Variants in MRC1 observed in about 807,000 individuals in gnomAD.
The protein encoded by MRC1 is mannose receptor C-type 1.
A neutral mutation model predicts 102.9 loss-of-function variants in MRC1; 62 were observed. The observed-to-expected ratio is 0.60, with a 90% CI of 0.49 to 0.74. The LOEUF (loss-of-function observed/expected upper bound fraction) is 0.74. MRC1 is among the 30% of genes least tolerant of loss of function. MRC1 has a pLI of 0.00. For missense variants in MRC1, 1,237 were observed against 862.8 expected, an observed-to-expected ratio of 1.43 and a Z score of -5.43; for synonymous variants, 457 against 298.4, an observed-to-expected ratio of 1.53 and a Z score of -5.48.
chr10:17,820,976 G>A (rs931656329), intron 1 of MRC1, among the ~76,000 whole-genome samples: 3 of 152,062 alleles, frequency 2.0e-5, no homozygotes, highest in Non-Finnish European at 4.4e-5. Flanking sequence ...ACTAGGGCAC[G>A]AGCAGTTACA....
intron 4 of MRC1, among the ~76,000 whole-genome samples, chr10:17,840,467 C>A (rs913233703): frequency 2.6e-5 from 4 of 152,120 alleles, no homozygotes; most frequent in Admixed American, 6.5e-5. Flanking sequence ...AAAAATCTTA[C>A]CAGATTACCT....
chr10:17,843,621 G>A (rs1554840009), intron 5 of MRC1, among the ~76,000 whole-genome samples: 2 of 151,802 alleles, frequency 1.3e-5, no homozygotes, highest in Non-Finnish European at 2.9e-5. Context: ...CTGAGATCAC[G>A]CCACTGGACT....
intron 5 of MRC1, among the ~76,000 whole-genome samples, chr10:17,842,820 A>T (rs1838771378): frequency 6.6e-6 from 1 of 152,204 alleles, no homozygotes; most frequent in Non-Finnish European, 1.5e-5. Context: ...TGGAGTAAAG[A>T]ATGAAAGTGG....
chr10:17,838,323 C>T (rs1564613881), intron 4 of MRC1, among the ~76,000 whole-genome samples: 1 of 152,126 alleles, frequency 6.6e-6, no homozygotes, highest in Non-Finnish European at 1.5e-5. Flanking sequence ...CCTGGCAACA[C>T]GTTTGCACAC....
At chr10:17,884,386 A>C (rs950667191) in intron 21 of MRC1, among the ~76,000 whole-genome samples, 33 of 152,174 alleles carry the variant, frequency 2.2e-4, no homozygotes, top group Non-Finnish European at 4.6e-4. Flanking sequence ...CAATTGGGAA[A>C]CTTTTGGTTT....
intron 23 of MRC1, among the ~76,000 whole-genome samples, chr10:17,897,720 C>T (rs907876004): frequency 1.2e-3 from 189 of 152,290 alleles, no homozygotes; most frequent in African/African-American, 4.1e-3. Flanking sequence ...GATTAAACTA[C>T]GGCATTTCTT....
At chr10:17,851,065 A>G (rs797039331) in intron 7 of MRC1, among the ~76,000 whole-genome samples, 97,897 of 152,064 alleles carry the variant, frequency 0.64, 31,540 homozygotes, top group Admixed American at 0.69. Flanking sequence ...TGTGGCACTT[A>G]TAGCCAGTAA....
intron 26 of MRC1, among the ~76,000 whole-genome samples, chr10:17,905,502 C>G (rs940766649): frequency 2.6e-5 from 4 of 151,984 alleles, no homozygotes; most frequent in Admixed American, 2.0e-4. Context: ...ATGTTTTCTT[C>G]ATATTGCTAA....
At chr10:17,904,623 G>C (rs1833872366) in intron 26 of MRC1, among the ~76,000 whole-genome samples, 2 of 152,322 alleles carry the variant, frequency 1.3e-5, no homozygotes, top group South Asian at 4.1e-4. Flanking sequence ...TAGAACTAAT[G>C]AAGTCTCCCA....
intron 9 of MRC1, 47 bp from the exon 10 acceptor site, chr10:17,861,340 T>G: frequency 2.5e-6 from 2 of 804,876 alleles, no homozygotes; most frequent in South Asian, 1.4e-5. Context: ...TTATAATATA[T>G]ATGCATGAAC....
Position 17,907,518 on chromosome 10 carries a change from T to C in MRC1, c.3914-16T>C, listed in dbSNP as rs782814729. On this transcript the variant is annotated splice_polypyrimidine_tract_variant and intron_variant, in intron 27 of 29. Coordinates refer to ENST00000569591, the MANE Select transcript of MRC1 (RefSeq NM_002438.4). ...ATATTTAACTTTTGTCTTTATTGGT[T>C]TTATCTGATGACCAGGGACGTGGCT... 9.5e-5 allele frequency: 74 copies of C among 780,692 alleles called. No homozygotes were observed. The highest frequency in any genetic ancestry group is 1.1e-4 in the Non-Finnish European group (45 of 417,960). The allele number at this position is 780,692 out of a possible 1,614,324, so 48.4% of individuals were successfully genotyped here. A position where few individuals can be genotyped will look rare whatever the true frequency, so the allele number is the denominator to read the frequency against.
At chr10:17,852,389 T>C (rs1838930542) in intron 7 of MRC1, among the ~76,000 whole-genome samples, 1 of 152,218 alleles carries the variant, frequency 6.6e-6, no homozygotes, top group African/African-American at 2.4e-5. Context: ...GTCTCACCTC[T>C]TGGTTTATAA....
At chr10:17,845,832 G>C (rs896956457) in intron 6 of MRC1, among the ~76,000 whole-genome samples, 2 of 152,042 alleles carry the variant, frequency 1.3e-5, no homozygotes, top group African/African-American at 4.8e-5. Flanking sequence ...GCTCTATCTG[G>C]GCTTCCTTGC....
chr10:17,887,082 C>G (rs1032238993), intron 22 of MRC1, among the ~76,000 whole-genome samples: 5,232 of 152,136 alleles, frequency 0.034, 104 homozygotes, highest in Non-Finnish European at 0.052. Context: ...AGACAGCAGC[C>G]CATAGGGTTG....
intron 4 of MRC1, among the ~76,000 whole-genome samples, chr10:17,836,200 A>T (rs1209700706): frequency 6.6e-6 from 1 of 152,204 alleles, no homozygotes; most frequent in East Asian, 1.9e-4. Flanking sequence ...TTCAGATGAC[A>T]CCCGTCACCA....
rs1198272979 is a variant in MRC1 at position 17,850,107 on chromosome 10, C to CTG, written c.1249+357_1249+358dup. Among the ~76,000 whole-genome samples, 806 of 151,272 alleles carry CTG rather than the reference C, an allele frequency of 5.3e-3. 3 individuals carry two copies. The highest frequency in any genetic ancestry group is 0.014 in the Middle Eastern group (4 of 294). On this transcript the variant is annotated intron_variant, in intron 7 of 29. Transcript: ENST00000569591. ...ACAATGCTTAATTCCTTGGAATTAT[C>CTG]TGTGTGTGTGTGTGTATCTTCTTTT...
chr10:17,892,492 C>T (rs1259611592), intron 22 of MRC1, among the ~76,000 whole-genome samples: 2 of 152,142 alleles, frequency 1.3e-5, no homozygotes, highest in Admixed American at 1.3e-4. Flanking sequence ...TTGTGACCTC[C>T]ATTTTCCAAT....
chr10:17,874,856 A>T (rs1833405729), intron 16 of MRC1, among the ~76,000 whole-genome samples: 1 of 152,200 alleles, frequency 6.6e-6, no homozygotes, highest in African/African-American at 2.4e-5. Flanking sequence ...TGACATATGG[A>T]ACATAGCTGG....
intron 1 of MRC1, among the ~76,000 whole-genome samples, chr10:17,813,662 T>TACAC (rs1189019911): frequency 0.13 from 17,726 of 138,396 alleles, 1,433 homozygotes; most frequent in East Asian, 0.21. Flanking sequence ...TATATATATA[T>TACAC]ACACACACAC....
Sources: allele counts gnomAD v4.1 joint callset (sites outside exome capture counted in the v4.1 genomes callset), GRCh38; gene constraint gnomAD v4.1.1; transcripts MANE v1.5; gene names NCBI Gene and HGNC (gene_info 2026-07-23, HGNC 2026-07-21).